Variants in PKP2 observed in about 807,000 individuals in gnomAD.
The protein encoded by PKP2 is plakophilin-2.
PKP2 carries 73 observed loss-of-function variants against 83.4 expected under a neutral mutation model. The observed-to-expected ratio is 0.88, with a 90% CI of 0.72 to 1.06. The LOEUF (loss-of-function observed/expected upper bound fraction) is 1.06. Among genes scored for constraint, PKP2 ranks in the 50% least tolerant of loss-of-function variants. The probability of loss-of-function intolerance (pLI) is 0.00; values close to 1 mark genes in which losing one functional copy is unlikely to be tolerated. For missense variants in PKP2, 966 were observed against 1,065.4 expected, an observed-to-expected ratio of 0.91 and a Z score of 1.30; for synonymous variants, 409 against 430.4, an observed-to-expected ratio of 0.95 and a Z score of 0.62.
intron 9 of PKP2, among the ~76,000 whole-genome samples, chr12:32,815,471 C>T (rs771310122): frequency 2.0e-5 from 3 of 152,162 alleles, no homozygotes; most frequent in Non-Finnish European, 4.4e-5. Context: ...TTGTATGGTA[C>T]CTTCCACATG....
intron 6 of PKP2, among the ~76,000 whole-genome samples, chr12:32,838,055 C>T (rs1177445992): frequency 6.6e-6 from 1 of 152,062 alleles, no homozygotes; most frequent in Non-Finnish European, 1.5e-5. Context: ...CAGGACTGTT[C>T]GCAATAACAA....
intron 6 of PKP2, among the ~76,000 whole-genome samples, chr12:32,832,938 A>T (rs1279687193): frequency 6.6e-6 from 1 of 152,156 alleles, no homozygotes; most frequent in East Asian, 1.9e-4. Context: ...GGATGAGCAA[A>T]GGTAACTAGA....
At position 32,808,072 on chromosome 12, in the gene PKP2, C is replaced by T. The variant is rs961569516; in HGVS notation, c.2014-5516G>A. On this transcript the variant is annotated intron_variant, in intron 9 of 12. Coordinates refer to ENST00000340811, the MANE Select transcript of PKP2 (RefSeq NM_001005242.3). Reference sequence around the variant, plus strand: ...TTCCTGAATTTGAATGTTGGCCTGTCTTGATAGGTTGGGGTAATTCTACTG... The same window carrying T: ...TTCCTGAATTTGAATGTTGGCCTGTTTTGATAGGTTGGGGTAATTCTACTG... Among the ~76,000 whole-genome samples the T allele has an allele frequency of 1.1e-4, 16 of 152,236 alleles. No homozygotes were observed. In the East Asian group the frequency reaches 1.2e-3, roughly 11 times the overall value.
chr12:32,795,891 T>TA (rs1956115770), intron 11 of PKP2, among the ~76,000 whole-genome samples: 1 of 152,212 alleles, frequency 6.6e-6, no homozygotes, highest in Non-Finnish European at 1.5e-5. Context: ...CCTCTGTTGA[T>TA]ACTTTAGAAG....
At chr12:32,809,214 G>A (rs11052259) in intron 9 of PKP2, among the ~76,000 whole-genome samples, 99,804 of 152,002 alleles carry the variant, frequency 0.66, 33,910 homozygotes, top group Non-Finnish European at 0.77. Context: ...ATATAAGCCC[G>A]GCTGGAGTGA....
At chr12:32,827,609 C>G (rs938906488) in intron 6 of PKP2, among the ~76,000 whole-genome samples, 3 of 152,158 alleles carry the variant, frequency 2.0e-5, no homozygotes, top group African/African-American at 7.2e-5. Context: ...TACAACGTAT[C>G]TCTTGAATCA....
intron 5 of PKP2, chr12:32,843,227 C>A: frequency 1.3e-6 from 1 of 747,814 alleles, no homozygotes. Flanking sequence ...GTGATCCGCC[C>A]GCCTTGGCCT....
intron 4 of PKP2, among the ~76,000 whole-genome samples, chr12:32,868,307 G>A (rs565697698): frequency 6.6e-6 from 1 of 151,986 alleles, no homozygotes; most frequent in Non-Finnish European, 1.5e-5. Flanking sequence ...TCTGCCTCCC[G>A]GGTTCAAGCA....
chr12:32,804,245 G>A (rs2137729563), intron 9 of PKP2, among the ~76,000 whole-genome samples: 1 of 152,292 alleles, frequency 6.6e-6, no homozygotes, highest in East Asian at 1.9e-4. Context: ...GCATTCTGTT[G>A]GATGGTTTTG....
At chr12:32,843,114 G>C (rs1405692399) in intron 5 of PKP2, 2 of 393,484 alleles carry the variant, frequency 5.1e-6, no homozygotes, top group Non-Finnish European at 1.0e-5. Context: ...TGAGTAGCTG[G>C]GATTACAGGC....
chr12:32,838,773 G>C (rs1327249804), intron 6 of PKP2, among the ~76,000 whole-genome samples: 1 of 152,158 alleles, frequency 6.6e-6, no homozygotes, highest in Non-Finnish European at 1.5e-5. Context: ...TCTATTAATA[G>C]TAGCAAAGGT....
At chr12:32,881,255 C>T (rs2137960467) in intron 1 of PKP2, among the ~76,000 whole-genome samples, 1 of 152,234 alleles carries the variant, frequency 6.6e-6, no homozygotes, top group East Asian at 1.9e-4. Flanking sequence ...CAGTGGCAGG[C>T]TTGTAACTGT....
chr12:32,807,894 T>A (rs562613005), intron 9 of PKP2, among the ~76,000 whole-genome samples: 1 of 152,300 alleles, frequency 6.6e-6, no homozygotes, highest in South Asian at 2.1e-4. Flanking sequence ...TGCTGAGAAG[T>A]CTGCTGTTAG....
intron 1 of PKP2, among the ~76,000 whole-genome samples, chr12:32,895,863 C>T (rs1957118225): frequency 6.6e-6 from 1 of 152,200 alleles, no homozygotes; most frequent in Non-Finnish European, 1.5e-5. Flanking sequence ...CGGCTGTTGC[C>T]GGCAGGGCCA....
intron 11 of PKP2, among the ~76,000 whole-genome samples, chr12:32,793,336 GAATT>G (rs1344030195): frequency 3.3e-5 from 5 of 151,944 alleles, no homozygotes; most frequent in Admixed American, 1.3e-4. Context: ...ATAAATCCTT[GAATT>G]ATTTATAGAA....
intron 4 of PKP2, among the ~76,000 whole-genome samples, chr12:32,858,596 A>C (rs1042718315): frequency 6.6e-6 from 1 of 152,168 alleles, no homozygotes; most frequent in African/African-American, 2.4e-5. Context: ...CATCGAGATG[A>C]AAAATATTTA....
intron 9 of PKP2, among the ~76,000 whole-genome samples, chr12:32,817,367 C>T (rs1956329607): frequency 6.6e-6 from 1 of 152,174 alleles, no homozygotes; most frequent in African/African-American, 2.4e-5. Flanking sequence ...GGACATTGGC[C>T]ATGGGAAAGA....
At chr12:32,812,971 T>A (rs546336946) in intron 9 of PKP2, among the ~76,000 whole-genome samples, 14 of 152,196 alleles carry the variant, frequency 9.2e-5, no homozygotes, top group Non-Finnish European at 1.8e-4. Context: ...TAAACTATCG[T>A]GGGCACAGTC....
At chr12:32,858,389 T>C (rs1368935431) in intron 4 of PKP2, among the ~76,000 whole-genome samples, 2 of 151,862 alleles carry the variant, frequency 1.3e-5, no homozygotes, top group African/African-American at 4.8e-5. Context: ...AGGATCAATA[T>C]TCAGCCCCAT....
Sources: gnomAD v4.1 joint callset for allele counts (sites outside exome capture counted in the v4.1 genomes callset) on GRCh38, gnomAD v4.1.1 for gene constraint, MANE v1.5 for transcripts, NCBI Gene and HGNC (gene_info 2026-07-23, HGNC 2026-07-21) for gene names.